Variants in FGGY observed in about 807,000 individuals in gnomAD.
The protein encoded by FGGY is FGGY carbohydrate kinase domain-containing protein.
FGGY carries 72 observed loss-of-function variants against 71.3 expected under a neutral mutation model. That is an observed-to-expected ratio of 1.01 (90% CI 0.84 to 1.23). The LOEUF is 1.23. Among genes scored for constraint, FGGY ranks in the 50% most tolerant of loss-of-function variants. The pLI is 0.00. For synonymous variants in FGGY, 251 were observed against 250.3 expected, an observed-to-expected ratio of 1.00 and a Z score of -0.02; for missense variants, 668 against 682.3, an observed-to-expected ratio of 0.98 and a Z score of 0.23.
chr1:59,752,626 C>G (rs1327239364), intron 14 of FGGY, among the ~76,000 whole-genome samples: 1 of 152,190 alleles, frequency 6.6e-6, no homozygotes, highest in Non-Finnish European at 1.5e-5. Flanking sequence ...TTCCTTTAAC[C>G]TCATTTCCCT....
intron 5 of FGGY, 86 bp downstream of exon 5, chr1:59,378,923 T>C (rs2059016345): frequency 8.9e-7 from 1 of 1,122,466 alleles, no homozygotes; most frequent in African/African-American, 1.6e-5. Flanking sequence ...TCTCTTTGAC[T>C]GGATATACTT....
intron 7 of FGGY, among the ~76,000 whole-genome samples, chr1:59,550,763 T>C (rs564112745): frequency 6.6e-6 from 1 of 152,318 alleles, no homozygotes; most frequent in South Asian, 2.1e-4. Flanking sequence ...CTTCCAAGTA[T>C]GTTTTCATTA....
chr1:59,478,668 A>T lies in FGGY; in HGVS notation c.670+21592A>T, dbSNP rs554169163. ...ATCCAAATAAAAACATAGAGTAGAC[A>T]TTTGGATCTATGCTAGGAAAAAAGG... is the stretch of plus-strand genomic sequence containing the variant. On this transcript the variant is annotated intron_variant, in intron 6 of 15. Transcript: ENST00000303721. Among the ~76,000 whole-genome samples, 12 of 152,344 alleles carry T rather than the reference A, an allele frequency of 7.9e-5. No homozygotes were observed. In the East Asian group the frequency reaches 2.3e-3, roughly 29 times the overall value.
intron 10 of FGGY, among the ~76,000 whole-genome samples, chr1:59,633,705 G>C (rs887975428): frequency 6.6e-6 from 1 of 152,310 alleles, no homozygotes; most frequent in Middle Eastern, 3.4e-3. Flanking sequence ...GGCATTTGAA[G>C]AGTGGTTGGA....
intron 7 of FGGY, among the ~76,000 whole-genome samples, chr1:59,538,868 A>T (rs1349878426): frequency 8.5e-6 from 1 of 118,304 alleles, no homozygotes; most frequent in South Asian, 3.4e-4. Context: ...GGGGGGAGGG[A>T]TAGCATTGGG....
Position 59,583,707 on chromosome 1 carries a change from C to A in FGGY, c.904-24096C>A, listed in dbSNP as rs2096234329. ...CCTGGGTATTGGTGCCAGGCTAGTG[C>A]CCTGATCTGAGTCCACCTCTGAACA... On this transcript the variant is annotated intron_variant, in intron 8 of 15. Transcript: ENST00000303721. Among the ~76,000 whole-genome samples the A allele has an allele frequency of 1.4e-5, 2 of 142,332 alleles. 1 individual carries two copies. The highest frequency in any genetic ancestry group is 1.4e-4 in the Admixed American group (2 of 14,496). The allele number at this position is 142,332 out of a possible 152,430, so 93.4% of individuals were successfully genotyped here.
intron 8 of FGGY, among the ~76,000 whole-genome samples, chr1:59,585,630 A>T (rs1430721532): frequency 6.6e-6 from 1 of 152,240 alleles, no homozygotes; most frequent in African/African-American, 2.4e-5. Context: ...CATGTCTAAA[A>T]CACCAAAAGC....
intron 5 of FGGY, among the ~76,000 whole-genome samples, chr1:59,411,534 T>C (rs1388340067): frequency 1.3e-5 from 2 of 152,244 alleles, no homozygotes; most frequent in Non-Finnish European, 2.9e-5. Flanking sequence ...TAGCAACTAT[T>C]GTAAATTCTT....
At chr1:59,589,959 G>A (rs1306035241) in intron 8 of FGGY, among the ~76,000 whole-genome samples, 5 of 152,036 alleles carry the variant, frequency 3.3e-5, no homozygotes, top group African/African-American at 9.7e-5. Flanking sequence ...GAAGGAAATA[G>A]AGACATAAAA....
intron 7 of FGGY, among the ~76,000 whole-genome samples, chr1:59,524,785 C>T (rs1318031164): frequency 2.0e-5 from 3 of 152,228 alleles, no homozygotes; most frequent in African/African-American, 7.2e-5. Context: ...CTCAATGAAG[C>T]TTCTCTCCAC....
intron 4 of FGGY, among the ~76,000 whole-genome samples, chr1:59,375,026 T>C (rs1232318486): frequency 6.6e-6 from 1 of 151,084 alleles, no homozygotes; most frequent in Non-Finnish European, 1.5e-5. Context: ...GTAACTAACC[T>C]GCACATTGTG....
intron 14 of FGGY, among the ~76,000 whole-genome samples, chr1:59,709,394 A>G (rs866812077): frequency 2.6e-5 from 4 of 151,870 alleles, no homozygotes; most frequent in African/African-American, 9.7e-5. Flanking sequence ...ACTTCCTACC[A>G]GGTCCCTCCC....
intron 8 of FGGY, among the ~76,000 whole-genome samples, chr1:59,589,412 G>T (rs1309360120): frequency 6.6e-6 from 1 of 152,100 alleles, no homozygotes; most frequent in Non-Finnish European, 1.5e-5. Context: ...CCCAGGAATT[G>T]AACTCAACTC....
At position 59,762,703 on chromosome 1, in the gene FGGY, T is replaced by C; in HGVS notation, c.*119T>C. 2 of 729,340 alleles carry C rather than the reference T, an allele frequency of 2.7e-6. No homozygotes were observed. The highest frequency in any genetic ancestry group is 3.6e-5 in the South Asian group (2 of 55,002). 45.2% of individuals were successfully genotyped at this position (729,340 alleles called of 1,614,324 possible). On this transcript the variant is annotated 3_prime_UTR_variant, in exon 16 of 16. Coordinates refer to ENST00000303721, the MANE Select transcript of FGGY (RefSeq NM_018291.5). ...TCATCATTTCTGTATTGTCTTTCAA[T>C]AAAGAAAACAAACATGTGCAACCAG...
intron 5 of FGGY, among the ~76,000 whole-genome samples, chr1:59,391,754 G>A (rs1313276046): frequency 6.6e-6 from 1 of 152,144 alleles, no homozygotes; most frequent in Non-Finnish European, 1.5e-5. Flanking sequence ...TAGCATGACT[G>A]TCATTTTCCA....
intron 11 of FGGY, among the ~76,000 whole-genome samples, chr1:59,648,032 AATG>A (rs1296054706): frequency 5.0e-5 from 4 of 79,456 alleles, no homozygotes; most frequent in African/African-American, 2.3e-4. Flanking sequence ...GTTTACTGAG[AATG>A]ATGATTTCCA....
intron 8 of FGGY, among the ~76,000 whole-genome samples, chr1:59,591,739 T>G (rs564546756): frequency 1.5e-3 from 229 of 152,296 alleles, no homozygotes; most frequent in East Asian, 2.9e-3. Context: ...TAGCCATATG[T>G]AGAAAGCTGA....
chr1:59,324,587 T>C (rs2047046451), intron 2 of FGGY, among the ~76,000 whole-genome samples: 1 of 152,174 alleles, frequency 6.6e-6, no homozygotes, highest in African/African-American at 2.4e-5. Context: ...ATAACTACTT[T>C]TTAAGGTAGT....
intron 11 of FGGY, among the ~76,000 whole-genome samples, chr1:59,643,918 G>A (rs532532682): frequency 2.0e-5 from 3 of 151,246 alleles, no homozygotes; most frequent in African/African-American, 7.2e-5. Flanking sequence ...AAGTGGCAGC[G>A]CTTGCCTTTT....
Sources: allele counts gnomAD v4.1 joint callset (sites outside exome capture counted in the v4.1 genomes callset), GRCh38; gene constraint gnomAD v4.1.1; transcripts MANE v1.5; gene names NCBI Gene and HGNC (gene_info 2026-07-23, HGNC 2026-07-21).